MED13L: variants seen among roughly 807,000 people sequenced by gnomAD.
MED13L encodes the protein mediator of RNA polymerase II transcription subunit 13-like.
MED13L carries 7 observed loss-of-function variants against 220.9 expected under a neutral mutation model. The ratio of observed to expected loss-of-function variants is 0.03; its 90% CI spans 0.02 to 0.06. MED13L has a LOEUF of 0.06. Ranked by LOEUF, MED13L falls within the 10% of genes least tolerant of loss-of-function variation. The probability of loss-of-function intolerance (pLI) is 1.00; values close to 1 mark genes in which losing one functional copy is unlikely to be tolerated. For synonymous variants in MED13L, 1,011 were observed against 1,015.2 expected (o/e 1.00, Z 0.08); for missense variants, 1,965 against 2,760.5 (o/e 0.71, Z 6.46).
chr12:116,087,329 C>T (rs949751614), intron 4 of MED13L, among the ~76,000 whole-genome samples: 1 of 151,992 alleles, frequency 6.6e-6, no homozygotes, highest in Non-Finnish European at 1.5e-5. Flanking sequence ...TTTTTCTTAA[C>T]ATTTTAAATT....
chr12:116,212,326 ATTAAG>A (rs1484560538), intron 2 of MED13L, among the ~76,000 whole-genome samples: 1 of 152,036 alleles, frequency 6.6e-6, no homozygotes, highest in Non-Finnish European at 1.5e-5. Context: ...AAAAATGATA[ATTAAG>A]TTAATTTTCA....
intron 3 of MED13L, among the ~76,000 whole-genome samples, chr12:116,097,695 C>T (rs1175327556): frequency 6.6e-6 from 1 of 152,206 alleles, no homozygotes; most frequent in Non-Finnish European, 1.5e-5. Context: ...TGGCCCACTT[C>T]TGTTTCCATG....
intron 2 of MED13L, among the ~76,000 whole-genome samples, chr12:116,158,425 A>G (rs1878605499): frequency 6.6e-6 from 1 of 152,228 alleles, no homozygotes; most frequent in South Asian, 2.1e-4. Context: ...ATTTAAATTC[A>G]GAGCCAATCT....
chr12:116,262,043 C>G (rs964602444), intron 1 of MED13L, among the ~76,000 whole-genome samples: 1 of 152,184 alleles, frequency 6.6e-6, no homozygotes, highest in Non-Finnish European at 1.5e-5. Flanking sequence ...TCTGTGCATA[C>G]AGAATTAACT....
chr12:116,267,587 T>C (rs1209808345), intron 1 of MED13L, among the ~76,000 whole-genome samples: 1 of 152,222 alleles, frequency 6.6e-6, no homozygotes, highest in Non-Finnish European at 1.5e-5. Flanking sequence ...CAGGAGAAAC[T>C]GAGGCACAGA....
In MED13L at chr12:116,008,866, G is replaced by A; in HGVS notation, c.1547C>T (p.Ser516Phe). 1 of 1,614,118 alleles carries A rather than the reference G, an allele frequency of 6.2e-7. No homozygotes were observed. The highest frequency in any genetic ancestry group is 1.1e-5 in the South Asian group (1 of 91,088). Reference protein sequence around the residue: ...QKLGLAGIDSSLEVSSSRKYD... With the variant: ...QKLGLAGIDSFLEVSSSRKYD... Reference sequence around the variant, plus strand: ...TTTCCTACTGCTAGACACCTCTAAGGAGGAGTCTATCCCTGCCAACCCTAG... The same window carrying A: ...TTTCCTACTGCTAGACACCTCTAAGAAGGAGTCTATCCCTGCCAACCCTAG... Residue 516 changes from serine to phenylalanine, a missense_variant, in exon 10 of 31, where the codon TCC becomes TTC. By Grantham distance (155) the Ser-to-Phe change is radical. Around this residue, in one of 10 missense-constraint regions of MED13L, gnomAD observed 818 missense variants for 1,041.2 expected, o/e 0.79. Transcript: ENST00000281928.
intron 2 of MED13L, among the ~76,000 whole-genome samples, chr12:116,150,118 A>G (rs1877921561): frequency 6.6e-6 from 1 of 152,236 alleles, no homozygotes; most frequent in Admixed American, 6.5e-5. Flanking sequence ...AAATGCAAGA[A>G]TCTCTGTAAA....
intron 13 of MED13L, 56 bp from the exon 14 acceptor site, chr12:116,003,158 T>C: frequency 6.8e-7 from 1 of 1,477,446 alleles, no homozygotes. Flanking sequence ...TAGGGCAGCA[T>C]TCAAATATTT....
intron 7 of MED13L, among the ~76,000 whole-genome samples, chr12:116,016,925 G>A (rs1029578128): frequency 4.6e-5 from 7 of 152,068 alleles, no homozygotes; most frequent in South Asian, 2.1e-4. Flanking sequence ...TTTTTTAGAC[G>A]GCAAAGTAGC....
At chr12:116,131,569 A>G (rs776853285) in intron 2 of MED13L, among the ~76,000 whole-genome samples, 14 of 152,232 alleles carry the variant, frequency 9.2e-5, no homozygotes, top group Non-Finnish European at 1.8e-4. Flanking sequence ...CATCTTTAAC[A>G]GACGTTACGA....
At chr12:116,115,388 A>G (rs529392934) in intron 2 of MED13L, among the ~76,000 whole-genome samples, 1 of 152,322 alleles carries the variant, frequency 6.6e-6, no homozygotes, top group South Asian at 2.1e-4. Context: ...ACCTAAATCT[A>G]GTATTTCTAA....
chr12:116,070,213 G>A (rs1376136643), intron 4 of MED13L, among the ~76,000 whole-genome samples: 1 of 152,142 alleles, frequency 6.6e-6, no homozygotes, highest in Non-Finnish European at 1.5e-5. Context: ...CATTTTGGAG[G>A]CTGAAAGTCC....
intron 1 of MED13L, among the ~76,000 whole-genome samples, chr12:116,239,801 T>A (rs1467569642): frequency 6.6e-6 from 1 of 152,236 alleles, no homozygotes; most frequent in Non-Finnish European, 1.5e-5. Context: ...GCATATCTTT[T>A]AAAATATCGG....
At chr12:116,247,224 T>C (rs765744946) in intron 1 of MED13L, among the ~76,000 whole-genome samples, 10 of 151,242 alleles carry the variant, frequency 6.6e-5, no homozygotes, top group Admixed American at 4.0e-4. Flanking sequence ...TGTAAGAGTA[T>C]ATAGCTCTGC....
At chr12:116,069,849 T>G (rs958229853) in intron 4 of MED13L, among the ~76,000 whole-genome samples, 3 of 152,156 alleles carry the variant, frequency 2.0e-5, no homozygotes, top group Non-Finnish European at 4.4e-5. Context: ...ATGTGTAAGA[T>G]GTATAGGAAA....
intron 2 of MED13L, among the ~76,000 whole-genome samples, chr12:116,153,476 C>T (rs1878205838): frequency 6.6e-6 from 1 of 152,188 alleles, no homozygotes; most frequent in Non-Finnish European, 1.5e-5. Flanking sequence ...CAATCAATTT[C>T]TGTAATAGCA....
intron 2 of MED13L, among the ~76,000 whole-genome samples, chr12:116,177,757 T>G (rs997199223): frequency 2.0e-5 from 3 of 152,156 alleles, no homozygotes; most frequent in African/African-American, 7.2e-5. Flanking sequence ...ATTAAAAGAG[T>G]TCACTGTCAT....
chr12:115,972,679 T>A (rs1876672483), intron 25 of MED13L, among the ~76,000 whole-genome samples: 1 of 152,182 alleles, frequency 6.6e-6, no homozygotes. Context: ...GGTTAGTTAT[T>A]TCCATGAAAG....
At chr12:115,989,212 C>T (rs114757155) in intron 17 of MED13L, among the ~76,000 whole-genome samples, 10 of 152,318 alleles carry the variant, frequency 6.6e-5, no homozygotes, top group African/African-American at 1.7e-4. Context: ...ACATCATTCA[C>T]ACAACCCTTC....
Sources: allele counts gnomAD v4.1 joint callset (sites outside exome capture counted in the v4.1 genomes callset), GRCh38; gene constraint gnomAD v4.1.1; regional missense constraint gnomAD v4.1.1; transcripts MANE v1.5; gene names NCBI Gene and HGNC (gene_info 2026-07-23, HGNC 2026-07-21).